XPO6: variants seen among roughly 807,000 people sequenced by gnomAD.
XPO6 encodes exportin 6, also known as exportin-6.
A neutral mutation model predicts 130.0 loss-of-function variants in XPO6; 3 were observed. That is an observed-to-expected ratio of 0.02 (90% CI 0.01 to 0.06). The LOEUF (loss-of-function observed/expected upper bound fraction) is 0.06. Ranked by LOEUF, XPO6 falls within the 10% of genes least tolerant of loss-of-function variation. The pLI, the probability that XPO6 is intolerant of heterozygous loss-of-function variation, is 1.00. For missense variants in XPO6, 970 were observed against 1,393.0 expected, an observed-to-expected ratio of 0.70 and a Z score of 4.83; for synonymous variants, 524 against 548.9, an observed-to-expected ratio of 0.95 and a Z score of 0.63.
rs111774913 is a variant in XPO6 at position 28,112,639 on chromosome 16, A to G, written c.2151+265T>C. Among the ~76,000 whole-genome samples the G allele has an allele frequency of 3.6e-3, 543 of 152,380 alleles. 5 individuals carry two copies. The highest frequency in any genetic ancestry group is 0.013 in the African/African-American group (525 of 41,600). The stretch of plus-strand genomic sequence containing the variant: ...GAGAATTCTCACAACACTGGCCGAA[A>G]TTACCAGGCTGCAAAGCAGCAAAAC... On this transcript the variant is annotated intron_variant, in intron 16 of 23. Transcript: ENST00000304658.
At chr16:28,110,037 A>G (rs1466693881) in intron 17 of XPO6, among the ~76,000 whole-genome samples, 2 of 150,900 alleles carry the variant, frequency 1.3e-5, no homozygotes, top group African/African-American at 2.5e-5. Flanking sequence ...GCTAGTCTGT[A>G]GGTTTGGAAT....
Position 28,207,328 on chromosome 16 carries a change from G to A in XPO6, c.3+4038C>T, listed in dbSNP as rs1486546583. 2.0e-5 allele frequency among the ~76,000 whole-genome samples: 3 copies of A among 151,458 alleles called. No homozygotes were observed. In the South Asian group the frequency reaches 6.2e-4, roughly 31 times the overall value. On this transcript the variant is annotated intron_variant, in intron 1 of 23. Coordinates refer to ENST00000304658, the MANE Select transcript of XPO6 (RefSeq NM_015171.4). ...ATTTCTAAGCAACTAAAAAAGAAATGCTAATATAAGCAAAAACTCAATTTT... is the reference window on the plus strand; with the variant it reads ...ATTTCTAAGCAACTAAAAAAGAAATACTAATATAAGCAAAAACTCAATTTT...
At chr16:28,183,095 T>C (rs1211148928) in intron 1 of XPO6, among the ~76,000 whole-genome samples, 1 of 152,176 alleles carries the variant, frequency 6.6e-6, no homozygotes, top group Non-Finnish European at 1.5e-5. Context: ...CTTGAGCTTA[T>C]CACATCCAGG....
At chr16:28,098,750 C>G (rs2141221073) in intron 23 of XPO6, 111 bp from the exon 24 acceptor site, 3 of 714,532 alleles carry the variant, frequency 4.2e-6, no homozygotes, top group East Asian at 2.9e-5. Context: ...GGAGCACTTT[C>G]TAAAACTCAA....
At chr16:28,205,569 GT>G (rs1162138541) in intron 1 of XPO6, among the ~76,000 whole-genome samples, 1 of 152,130 alleles carries the variant, frequency 6.6e-6, no homozygotes, top group Non-Finnish European at 1.5e-5. Context: ...ACAGTCTCTT[GT>G]ATTTTCAGAG....
At chr16:28,171,363 G>T (rs1486396183) in intron 4 of XPO6, among the ~76,000 whole-genome samples, 5 of 150,334 alleles carry the variant, frequency 3.3e-5, no homozygotes, top group Non-Finnish European at 7.4e-5. Context: ...TGAGGCAGGA[G>T]GATCACTTGA....
Position 28,156,451 on chromosome 16 carries a change from C to T in XPO6, c.720G>A (p.Val240=), listed in dbSNP as rs757414948. Residue 240 remains valine (V), a synonymous_variant, in exon 7 of 24, where the codon GTG becomes GTA. Coordinates refer to ENST00000304658, the MANE Select transcript of XPO6 (RefSeq NM_015171.4). ...LLNQPIPILD[V]ESEYICSLAL... ...CCAGGGAACAGATATACTCACTCTC[C>T]ACATCAAGGATGGGAATTGGCTGAT... 5.0e-6 allele frequency: 8 copies of T among 1,612,608 alleles called. No individual in the cohort carries two copies. Among genetic ancestry groups the T allele is most frequent in the East Asian group, 2.2e-5 (1 of 44,850 alleles).
chr16:28,136,636 G>A (rs1374005199), intron 9 of XPO6, among the ~76,000 whole-genome samples: 1 of 152,154 alleles, frequency 6.6e-6, no homozygotes, highest in East Asian at 1.9e-4. Flanking sequence ...TTGTGTCTAA[G>A]AATAATTTCT....
At chr16:28,194,930 A>G (rs376029676) in intron 1 of XPO6, among the ~76,000 whole-genome samples, 12 of 147,884 alleles carry the variant, frequency 8.1e-5, no homozygotes, top group South Asian at 2.2e-4. Flanking sequence ...TTCTCTCCAC[A>G]TAACAGTTCC....
intron 6 of XPO6, among the ~76,000 whole-genome samples, chr16:28,159,700 T>C (rs2043241077): frequency 6.6e-6 from 1 of 152,144 alleles, no homozygotes; most frequent in African/African-American, 2.4e-5. Context: ...AAGGAAGAAG[T>C]CTCAAAATAC....
At chr16:28,170,123 G>A (rs1291679703) in intron 4 of XPO6, among the ~76,000 whole-genome samples, 11 of 151,976 alleles carry the variant, frequency 7.2e-5, no homozygotes, top group South Asian at 2.1e-4. Context: ...ACCTGAGGTC[G>A]GGAGTTAGAG....
At chr16:28,183,574 C>T (rs1202744999) in intron 1 of XPO6, 3 of 152,132 alleles carry the variant, frequency 2.0e-5, no homozygotes, top group African/African-American at 7.2e-5. Flanking sequence ...TTAATCATTT[C>T]TATATCTGTA....
At position 28,111,807 on chromosome 16, in the gene XPO6, G is replaced by A. The variant is rs2086928716; in HGVS notation, c.2341+10C>T. The stretch of plus-strand genomic sequence containing the variant: ...CCTTCCCCAGCTGTCCTAGCCTAGG[G>A]GTCACTTACTGTCATCCAGTGGCAT... On this transcript the variant is annotated intron_variant, in intron 17 of 23. Transcript: ENST00000304658. 4 of 1,613,570 alleles carry A rather than the reference G, an allele frequency of 2.5e-6. No homozygotes were observed. The highest frequency in any genetic ancestry group is 1.3e-5 in the African/African-American group (1 of 74,966).
In XPO6 at chr16:28,211,382, G is replaced by A. The variant is rs1005072764; in HGVS notation, c.-14C>T. The A allele has an allele frequency of 1.5e-6, 2 of 1,312,480 alleles. No homozygotes were observed. Among genetic ancestry groups the A allele is most frequent in the African/African-American group, 3.0e-5 (2 of 66,512 alleles). The allele number at this position is 1,312,480 out of a possible 1,614,324, so 81.3% of individuals were successfully genotyped here. On this transcript the variant is annotated 5_prime_UTR_variant, in exon 1 of 24. Transcript: ENST00000304658. Reference sequence around the variant, plus strand: ...TCCACTTACCATGCTGGCCGGGGAGGGGGCGGCTCAGATGAGCTGGTTCTT... The same window carrying A: ...TCCACTTACCATGCTGGCCGGGGAGAGGGCGGCTCAGATGAGCTGGTTCTT...
At chr16:28,135,879 T>C (rs554837812) in intron 9 of XPO6, among the ~76,000 whole-genome samples, 2 of 152,344 alleles carry the variant, frequency 1.3e-5, no homozygotes, top group African/African-American at 4.8e-5. Context: ...TGTTCCTCAA[T>C]TCCTCCATTC....
intron 7 of XPO6, chr16:28,154,181 T>G: frequency 2.0e-6 from 2 of 983,524 alleles, no homozygotes; most frequent in Non-Finnish European, 2.4e-6. Context: ...CATGATAGTT[T>G]TACATGGATA....
chr16:28,192,262 CAAAAAAAAAA>C (rs11429447), intron 1 of XPO6, among the ~76,000 whole-genome samples: 3 of 82,444 alleles, frequency 3.6e-5, no homozygotes, highest in Non-Finnish European at 5.0e-5. Flanking sequence ...GACTCCGTCT[CAAAAAAAAAA>C]AAAAAAAAAA....
At chr16:28,175,872 TAA>T in intron 4 of XPO6, 24 bp downstream of exon 4, 1 of 1,600,838 alleles carries the variant, frequency 6.2e-7, no homozygotes, top group Non-Finnish European at 8.6e-7. Flanking sequence ...ATTCACAAGA[TAA>T]AGTTTCCTTA....
chr16:28,112,043 A>C lies in XPO6; in HGVS notation c.2152-37T>G. The C allele has an allele frequency of 2.5e-6, 4 of 1,582,030 alleles. No homozygotes were observed. In the African/African-American group the frequency reaches 4.0e-5, roughly 16 times the overall value. On this transcript the variant is annotated intron_variant, in intron 16 of 23. Coordinates refer to ENST00000304658, the MANE Select transcript of XPO6 (RefSeq NM_015171.4). ...CCCAAAGGCATCCATCAGAGGTCAG[A>C]GCCAAAGACCGTGGTGCGGCATGCC...
Sources: gnomAD v4.1 joint callset for allele counts (sites outside exome capture counted in the v4.1 genomes callset) on GRCh38, gnomAD v4.1.1 for gene constraint, MANE v1.5 for transcripts, NCBI Gene and HGNC (gene_info 2026-07-23, HGNC 2026-07-21) for gene names.